The following COL23A1 variants were observed in gnomAD, a reference collection of about 807,000 sequenced individuals.
COL23A1 encodes collagen alpha-1(XXIII) chain.
In COL23A1, 97 loss-of-function variants were observed where a neutral mutation model predicts 99.3. That is an observed-to-expected ratio of 0.98 (90% CI 0.83 to 1.16). The LOEUF (loss-of-function observed/expected upper bound fraction) is 1.16. COL23A1 is among the 50% of genes most tolerant of loss of function. The probability of loss-of-function intolerance (pLI) is 0.00; values close to 1 mark genes in which losing one functional copy is unlikely to be tolerated. For missense variants in COL23A1, 762 were observed against 757.4 expected, an observed-to-expected ratio of 1.01 and a Z score of -0.07; for synonymous variants, 320 against 308.2, an observed-to-expected ratio of 1.04 and a Z score of -0.40.
At chr5:178,266,928 C>G (rs1755936368) in intron 8 of COL23A1, among the ~76,000 whole-genome samples, 1 of 152,262 alleles carries the variant, frequency 6.6e-6, no homozygotes, top group South Asian at 2.1e-4. Flanking sequence ...TTCAGGGTCA[C>G]TCAGCTGGCA....
rs1562025581 is a variant in COL23A1, at chr5:178,498,237, T to TAC, written c.361+62444_361+62445insGT. ...ATATATATATATATATATATATATA[T>TAC]ATATATATATATATATATATAAAAG... is the stretch of plus-strand genomic sequence containing the variant. On this transcript the variant is annotated intron_variant, in intron 2 of 28. Transcript: ENST00000390654. 8.0e-4 allele frequency among the ~76,000 whole-genome samples: 45 copies of TAC among 56,448 alleles called. 2 individuals carry two copies. Among genetic ancestry groups the TAC allele is most frequent in the Admixed American group, 4.3e-3 (28 of 6,546 alleles). 37.0% of individuals were successfully genotyped at this position (56,448 alleles called of 152,430 possible). A position where few individuals can be genotyped will look rare whatever the true frequency, so the allele number is the denominator to read the frequency against.
At chr5:178,369,233 G>C (rs923884987) in intron 2 of COL23A1, among the ~76,000 whole-genome samples, 1 of 152,094 alleles carries the variant, frequency 6.6e-6, no homozygotes, top group African/African-American at 2.4e-5. Flanking sequence ...CAGGTCTGGG[G>C]CCCTAAACAC....
In COL23A1 at chr5:178,544,603, C is replaced by T. The variant is rs563381111; in HGVS notation, c.361+16079G>A. Among the ~76,000 whole-genome samples the T allele has an allele frequency of 6.6e-6, 1 of 152,314 alleles. No individual in the cohort carries two copies. The highest frequency in any genetic ancestry group is 1.9e-4 in the East Asian group (1 of 5,186). ...TGGGTACAGCTGACATGTGAGCAAG[C>T]ACTTTGGCCAGCACAGCCGGCCTCT... On this transcript the variant is annotated intron_variant, in intron 2 of 28. Transcript: ENST00000390654. This position sits in a 1 kb window ranked among gnomAD's most constrained non-coding sequence, Gnocchi z 4.4.
At chr5:178,477,338 C>T (rs1327415398) in intron 2 of COL23A1, among the ~76,000 whole-genome samples, 1 of 152,150 alleles carries the variant, frequency 6.6e-6, no homozygotes, top group Non-Finnish European at 1.5e-5. Flanking sequence ...ATGGCAGAGG[C>T]AGAGAGGCTT....
At chr5:178,273,240 C>G (rs1218169276) in intron 5 of COL23A1, among the ~76,000 whole-genome samples, 1 of 152,232 alleles carries the variant, frequency 6.6e-6, no homozygotes, top group Non-Finnish European at 1.5e-5. Context: ...CCAGAGGGAG[C>G]ATCTCAGTGC....
At chr5:178,412,511 T>C (rs1765104230) in intron 2 of COL23A1, among the ~76,000 whole-genome samples, 1 of 152,170 alleles carries the variant, frequency 6.6e-6, no homozygotes, top group Non-Finnish European at 1.5e-5. Context: ...CTACACACAA[T>C]GATTTTGGAA....
intron 2 of COL23A1, among the ~76,000 whole-genome samples, chr5:178,349,997 C>CA (rs1229941312): frequency 6.6e-6 from 1 of 152,224 alleles, no homozygotes; most frequent in Non-Finnish European, 1.5e-5. Flanking sequence ...CGGGTCCTAT[C>CA]AAGTCTCCTG....
At chr5:178,302,282 C>G (rs36163082) in intron 3 of COL23A1, among the ~76,000 whole-genome samples, 32 of 140,694 alleles carry the variant, frequency 2.3e-4, no homozygotes, top group African/African-American at 6.5e-4. Context: ...CAATCCACCT[C>G]TGTGTGCGCC....
chr5:178,585,416 C>T (rs542204463), intron 1 of COL23A1, among the ~76,000 whole-genome samples: 2 of 151,218 alleles, frequency 1.3e-5, no homozygotes, highest in South Asian at 2.1e-4. Flanking sequence ...GTGGGTAACA[C>T]TCCACAGCCC....
intron 2 of COL23A1, among the ~76,000 whole-genome samples, chr5:178,347,480 C>T (rs1239911692): frequency 6.6e-6 from 1 of 151,692 alleles, no homozygotes; most frequent in East Asian, 1.9e-4. Context: ...GTGATGGAAA[C>T]TTTCTGGAAT....
chr5:178,588,427 T>C (rs1764107086), intron 1 of COL23A1, among the ~76,000 whole-genome samples: 1 of 152,244 alleles, frequency 6.6e-6, no homozygotes, highest in Non-Finnish European at 1.5e-5. Flanking sequence ...AGGCCTCCTA[T>C]GAGAAAGAGC....
At chr5:178,243,019 G>A (rs1446721942) in intron 25 of COL23A1, among the ~76,000 whole-genome samples, 1 of 151,906 alleles carries the variant, frequency 6.6e-6, no homozygotes, top group African/African-American at 2.4e-5. Context: ...CCAACATGGC[G>A]AAACCCTAAA....
At chr5:178,479,051 C>CA (rs1392313025) in intron 2 of COL23A1, among the ~76,000 whole-genome samples, 2 of 152,100 alleles carry the variant, frequency 1.3e-5, no homozygotes, top group Non-Finnish European at 2.9e-5. Context: ...TGTGCCAGGG[C>CA]AGCCATCTCA....
At chr5:178,404,448 G>A (rs140312934) in intron 2 of COL23A1, among the ~76,000 whole-genome samples, 249 of 148,614 alleles carry the variant, frequency 1.7e-3, no homozygotes, top group African/African-American at 6.1e-3. Flanking sequence ...GTCCTTTGAG[G>A]AGTTTGCCAG....
At chr5:178,443,299 G>A (rs943755310) in intron 2 of COL23A1, among the ~76,000 whole-genome samples, 8 of 152,160 alleles carry the variant, frequency 5.3e-5, no homozygotes, top group African/African-American at 1.7e-4. Flanking sequence ...GGATCCGAAC[G>A]ACTTCTACTC....
rs1765234621 is a variant in COL23A1, at chr5:178,255,129, G to A, written c.883-103C>T. 1.0e-6 allele frequency: 1 copy of A among 975,758 alleles called. No individual in the cohort carries two copies. The highest frequency in any genetic ancestry group is 1.6e-6 in the Non-Finnish European group (1 of 617,042). 60.4% of individuals were successfully genotyped at this position (975,758 alleles called of 1,614,324 possible). A position where few individuals can be genotyped will look rare whatever the true frequency, so the allele number is the denominator to read the frequency against. The stretch of plus-strand genomic sequence containing the variant: ...CACATCCAGAGAGAAAGCAATGGAA[G>A]AGCCTCGTCACCCAGGCTGCACGCA... On this transcript the variant is annotated intron_variant, in intron 15 of 28. Coordinates refer to ENST00000390654, the MANE Select transcript of COL23A1 (RefSeq NM_173465.4). This position sits in a 1 kb window ranked among gnomAD's most constrained non-coding sequence, Gnocchi z 4.2.
At chr5:178,385,119 C>A (rs1184054564) in intron 2 of COL23A1, among the ~76,000 whole-genome samples, 2 of 152,140 alleles carry the variant, frequency 1.3e-5, no homozygotes, top group Admixed American at 1.3e-4. Context: ...GGGTTATCAC[C>A]CACAGCTATA....
chr5:178,428,368 C>T lies in COL23A1; in HGVS notation c.362-121449G>A, dbSNP rs73336654. Among the ~76,000 whole-genome samples, 155 of 152,330 alleles carry T rather than the reference C, an allele frequency of 1.0e-3. 1 individual carries two copies. Among genetic ancestry groups the T allele is most frequent in the African/African-American group, 3.5e-3 (146 of 41,566 alleles). ...AGGACCATGGAGCCAGCTCTTTGCA[C>T]GAGGAGGAGCCTTCCTGGATCAAAA... is the stretch of plus-strand genomic sequence containing the variant. On this transcript the variant is annotated intron_variant, in intron 2 of 28. Coordinates refer to ENST00000390654, the MANE Select transcript of COL23A1 (RefSeq NM_173465.4). The surrounding 1 kb of genome is among the most constrained non-coding windows in gnomAD (Gnocchi z 5.0).
intron 3 of COL23A1, among the ~76,000 whole-genome samples, chr5:178,304,527 A>G (rs1467388229): frequency 6.6e-6 from 1 of 151,444 alleles, no homozygotes; most frequent in Non-Finnish European, 1.5e-5. Flanking sequence ...AAAAAAAAAA[A>G]AAAAAAGGCT....
Sources: allele counts gnomAD v4.1 joint callset (sites outside exome capture counted in the v4.1 genomes callset), GRCh38; gene constraint gnomAD v4.1.1; non-coding constraint Gnocchi (gnomAD v3.1); transcripts MANE v1.5; gene names NCBI Gene and HGNC (gene_info 2026-07-23, HGNC 2026-07-21).